Variants in CTNNA3 observed in about 807,000 individuals in gnomAD.
CTNNA3 encodes catenin alpha-3.
CTNNA3 carries 76 observed loss-of-function variants against 95.7 expected under a neutral mutation model. The observed-to-expected ratio is 0.79, with a 90% CI of 0.66 to 0.96. The LOEUF (loss-of-function observed/expected upper bound fraction) is 0.96, where lower values mean the gene tolerates loss of function less well. Ranked by LOEUF, CTNNA3 falls within the 40% of genes least tolerant of loss-of-function variation. The pLI is 0.00. For synonymous variants in CTNNA3, 431 were observed against 374.4 expected (o/e 1.15, Z -1.74); for missense variants, 1,191 against 1,089.8 (o/e 1.09, Z -1.31).
At chr10:66,383,918 G>A (rs892708477) in intron 11 of CTNNA3, among the ~76,000 whole-genome samples, 2 of 152,114 alleles carry the variant, frequency 1.3e-5, no homozygotes, top group East Asian at 1.9e-4. Context: ...TCACCATCAG[G>A]CCTGCCTTAC....
At chr10:66,906,880 C>CT (rs1846009337) in intron 7 of CTNNA3, among the ~76,000 whole-genome samples, 1 of 152,034 alleles carries the variant, frequency 6.6e-6, no homozygotes. Flanking sequence ...TAAACTCTGG[C>CT]TTTATGCTAG....
At chr10:66,210,749 A>T (rs1382466109) in intron 13 of CTNNA3, among the ~76,000 whole-genome samples, 1 of 152,240 alleles carries the variant, frequency 6.6e-6, no homozygotes, top group Non-Finnish European at 1.5e-5. Flanking sequence ...AAGCAAATGG[A>T]GTAAACAACA....
At chr10:66,626,386 A>G (rs2132330667) in intron 9 of CTNNA3, among the ~76,000 whole-genome samples, 1 of 152,256 alleles carries the variant, frequency 6.6e-6, no homozygotes, top group South Asian at 2.1e-4. Flanking sequence ...GTTAATTGTA[A>G]TATCATGTCA....
intron 5 of CTNNA3, among the ~76,000 whole-genome samples, chr10:67,247,937 G>A (rs1334529828): frequency 6.6e-6 from 1 of 152,136 alleles, no homozygotes; most frequent in Non-Finnish European, 1.5e-5. Flanking sequence ...ATAGATCAAT[G>A]TAATAGACAT....
intron 11 of CTNNA3, among the ~76,000 whole-genome samples, chr10:66,487,880 G>C (rs1839794434): frequency 6.6e-6 from 1 of 152,078 alleles, no homozygotes; most frequent in Admixed American, 6.5e-5. Flanking sequence ...TAAAAAGCTT[G>C]GTGGCTGTCT....
chr10:67,231,144 T>C (rs61866882), intron 5 of CTNNA3, among the ~76,000 whole-genome samples: 6 of 152,302 alleles, frequency 3.9e-5, no homozygotes, highest in South Asian at 4.1e-4. Flanking sequence ...ACAAAGCAGC[T>C]GGGAAGCTCA....
At chr10:66,332,453 T>A (rs2092342757) in intron 12 of CTNNA3, among the ~76,000 whole-genome samples, 1 of 150,150 alleles carries the variant, frequency 6.7e-6, no homozygotes, top group Non-Finnish European at 1.5e-5. Flanking sequence ...GTAGATTTTG[T>A]CAAAGGCCTT....
rs183708086 is a variant in CTNNA3, at chr10:66,526,062, A to T, written c.1375-5289T>A. On this transcript the variant is annotated intron_variant, in intron 10 of 17. Coordinates refer to ENST00000433211, the MANE Select transcript of CTNNA3 (RefSeq NM_013266.4). ...CTCACCCATTCATCTGTCAGTGGAC[A>T]TTGGGTTGTTTCCATATTTTGGCTG... is the stretch of plus-strand genomic sequence containing the variant. Among the ~76,000 whole-genome samples, 3 of 152,286 alleles carry T rather than the reference A, an allele frequency of 2.0e-5. No individual in the cohort carries two copies. The East Asian group carries it at 5.8e-4, about 29-fold the overall frequency.
intron 17 of CTNNA3, among the ~76,000 whole-genome samples, chr10:65,930,222 A>AC (rs1468663760): frequency 2.7e-5 from 4 of 150,174 alleles, no homozygotes; most frequent in African/African-American, 9.8e-5. Context: ...AAAAAAAAAA[A>AC]AAAACAGAAA....
intron 14 of CTNNA3, among the ~76,000 whole-genome samples, chr10:66,069,789 C>T (rs916553840): frequency 2.6e-5 from 4 of 152,110 alleles, no homozygotes; most frequent in African/African-American, 4.8e-5. Flanking sequence ...TTCTAATACG[C>T]TTCAAATTTT....
chr10:66,429,841 A>C (rs2093278667), intron 11 of CTNNA3, among the ~76,000 whole-genome samples: 1 of 152,084 alleles, frequency 6.6e-6, no homozygotes. Flanking sequence ...GAAAACTGGC[A>C]CAAGACAGGG....
At chr10:66,638,624 T>C (rs1845415073) in intron 9 of CTNNA3, among the ~76,000 whole-genome samples, 1 of 152,124 alleles carries the variant, frequency 6.6e-6, no homozygotes, top group African/African-American at 2.4e-5. Context: ...ACATCCTCTT[T>C]TTTCAAGGCC....
At chr10:66,518,189 T>A (rs1341369751) in intron 11 of CTNNA3, among the ~76,000 whole-genome samples, 2 of 152,148 alleles carry the variant, frequency 1.3e-5, no homozygotes, top group African/African-American at 4.8e-5. Flanking sequence ...AAGAAGCAGA[T>A]CCAGAATATC....
At chr10:67,726,363 A>ATGATATT (rs1564841029) in intron 1 of CTNNA3, among the ~76,000 whole-genome samples, 1 of 41,618 alleles carries the variant, frequency 2.4e-5, no homozygotes, top group Admixed American at 3.9e-4. Flanking sequence ...TATATGATAT[A>ATGATATT]ATATATGATA....
intron 7 of CTNNA3, among the ~76,000 whole-genome samples, chr10:66,876,170 G>A (rs1589366765): frequency 6.6e-6 from 1 of 152,054 alleles, no homozygotes; most frequent in African/African-American, 2.4e-5. Flanking sequence ...TGGTAAAATG[G>A]GCCATAGGGT....
intron 5 of CTNNA3, among the ~76,000 whole-genome samples, chr10:67,481,049 G>A (rs1243537330): frequency 6.6e-6 from 1 of 152,178 alleles, no homozygotes; most frequent in Non-Finnish European, 1.5e-5. Flanking sequence ...TGTCCATCAA[G>A]ATGATCATAT....
chr10:67,196,477 T>C (rs890592928), intron 6 of CTNNA3, among the ~76,000 whole-genome samples: 1 of 152,076 alleles, frequency 6.6e-6, no homozygotes, highest in Admixed American at 6.6e-5. Flanking sequence ...ATATAATACA[T>C]ACAGACTCCT....
At chr10:66,870,128 T>C (rs1844339378) in intron 7 of CTNNA3, among the ~76,000 whole-genome samples, 1 of 152,118 alleles carries the variant, frequency 6.6e-6, no homozygotes, top group Non-Finnish European at 1.5e-5. Flanking sequence ...CTAGGCCATG[T>C]TTCAGCTGAG....
At chr10:66,715,824 G>A (rs946875919) in intron 9 of CTNNA3, among the ~76,000 whole-genome samples, 3 of 151,780 alleles carry the variant, frequency 2.0e-5, no homozygotes, top group African/African-American at 7.3e-5. Flanking sequence ...TCTTGACAGG[G>A]ATGAGCCAAA....
Sources: gnomAD v4.1 joint callset for allele counts (sites outside exome capture counted in the v4.1 genomes callset) on GRCh38, gnomAD v4.1.1 for gene constraint, MANE v1.5 for transcripts, NCBI Gene and HGNC (gene_info 2026-07-23, HGNC 2026-07-21) for gene names.